DPP6: variants seen among roughly 807,000 people sequenced by gnomAD.
The protein encoded by DPP6 is dipeptidyl peptidase like 6.
In DPP6, 69 loss-of-function variants were observed where a neutral mutation model predicts 122.6. The ratio of observed to expected loss-of-function variants is 0.56; its 90% CI spans 0.46 to 0.69. The LOEUF (loss-of-function observed/expected upper bound fraction) is 0.69, where lower values mean the gene tolerates loss of function less well. Among genes scored for constraint, DPP6 ranks in the 30% least tolerant of loss-of-function variants. The pLI, the probability that DPP6 is intolerant of heterozygous loss-of-function variation, is 0.00. For missense variants in DPP6, 928 were observed against 1,116.9 expected (o/e 0.83, Z 2.41); for synonymous variants, 418 against 433.1 (o/e 0.97, Z 0.43).
In DPP6 at chr7:154,701,468, G is replaced by A. The variant is rs74969273; in HGVS notation, c.763-26299G>A. Among the ~76,000 whole-genome samples, 903 of 152,294 alleles carry A rather than the reference G, an allele frequency of 5.9e-3. 5 individuals carry two copies. Among genetic ancestry groups the A allele is most frequent in the African/African-American group, 0.02 (818 of 41,558 alleles). ...GAAAGCTGAACATCCTTATCCATAG[G>A]CATTTTAATTTGGAGAGTTGGAGAG... is the stretch of plus-strand genomic sequence containing the variant. On this transcript the variant is annotated intron_variant, in intron 7 of 25. Transcript: ENST00000377770.
chr7:154,488,099 C>T (rs1224268912), intron 3 of DPP6, among the ~76,000 whole-genome samples: 1 of 151,976 alleles, frequency 6.6e-6, no homozygotes, highest in Non-Finnish European at 1.5e-5. Context: ...AATTGAGTCT[C>T]CAGAGAAGAG....
chr7:154,024,072 A>G (rs1472237503), intron 1 of DPP6, among the ~76,000 whole-genome samples: 2 of 152,188 alleles, frequency 1.3e-5, no homozygotes, highest in Non-Finnish European at 2.9e-5. Flanking sequence ...AGAGGAATTT[A>G]TCCTACAGGC....
intron 1 of DPP6, among the ~76,000 whole-genome samples, chr7:154,351,236 C>T (rs993276317): frequency 3.9e-5 from 6 of 152,024 alleles, no homozygotes; most frequent in African/African-American, 1.4e-4. Flanking sequence ...GGACGGTTTC[C>T]CTGGTGAGCA....
intron 3 of DPP6, among the ~76,000 whole-genome samples, chr7:154,520,221 A>G (rs1443621859): frequency 6.6e-6 from 1 of 152,200 alleles, no homozygotes; most frequent in Non-Finnish European, 1.5e-5. Context: ...AAATTTATTT[A>G]TTTTCCACAT....
At chr7:154,196,622 G>A (rs1014432410) in intron 1 of DPP6, among the ~76,000 whole-genome samples, 2 of 152,176 alleles carry the variant, frequency 1.3e-5, no homozygotes, top group South Asian at 2.1e-4. Flanking sequence ...CAGCCATGGG[G>A]AGCATTGCAC....
At chr7:154,551,689 C>T (rs1218003657) in intron 4 of DPP6, among the ~76,000 whole-genome samples, 1 of 152,048 alleles carries the variant, frequency 6.6e-6, no homozygotes, top group Non-Finnish European at 1.5e-5. Flanking sequence ...TTCATTTGCT[C>T]CTTTTGTTCC....
chr7:154,811,392 A>G (rs1799051368), intron 16 of DPP6, among the ~76,000 whole-genome samples: 1 of 152,210 alleles, frequency 6.6e-6, no homozygotes, highest in African/African-American at 2.4e-5. Flanking sequence ...AGGGATGAGA[A>G]GATCAATTGC....
rs1554447630 is a variant in DPP6 at position 154,060,717 on chromosome 7, G to GA, written c.243+7654_243+7655insA. Among the ~76,000 whole-genome samples, 16 of 87,268 alleles carry GA rather than the reference G, an allele frequency of 1.8e-4. 1 individual carries two copies. Among genetic ancestry groups the GA allele is most frequent in the Non-Finnish European group, 2.4e-4 (10 of 42,512 alleles). 57.3% of individuals were successfully genotyped at this position (87,268 alleles called of 152,430 possible). ...CTGGCTGTTAGTACCCCCATCGCAG[G>GA]GGGGGAGGCACCCCCCGCGAGGCAG... On this transcript the variant is annotated intron_variant, in intron 1 of 25. Transcript: ENST00000377770.
intron 1 of DPP6, among the ~76,000 whole-genome samples, chr7:154,402,275 G>A (rs1284094762): frequency 1.3e-5 from 2 of 152,032 alleles, no homozygotes; most frequent in African/African-American, 4.8e-5. Flanking sequence ...TATAAATCAT[G>A]CTGCTATAAA....
At chr7:153,860,176 A>G in the DPP6 span, among the ~76,000 whole-genome samples, 1 of 152,182 alleles carries the variant, frequency 6.6e-6, no homozygotes, top group Non-Finnish European at 1.5e-5. Flanking sequence ...TTCGAGATTT[A>G]AAAGTACACC....
chr7:154,734,553 TG>T (rs1341059478), intron 8 of DPP6, among the ~76,000 whole-genome samples: 1 of 152,262 alleles, frequency 6.6e-6, no homozygotes, highest in African/African-American at 2.4e-5. Context: ...TGTTCAAATA[TG>T]TACATTACTA....
intron 1 of DPP6, chr7:154,096,150 G>C (rs993704715): frequency 1.5e-4 from 13 of 85,124 alleles, no homozygotes; most frequent in Non-Finnish European, 2.8e-4. Flanking sequence ...TACCCTTAAT[G>C]ATTTACATGA....
intron 3 of DPP6, among the ~76,000 whole-genome samples, chr7:154,533,831 C>G (rs1248669686): frequency 6.6e-6 from 1 of 151,904 alleles, no homozygotes; most frequent in African/African-American, 2.4e-5. Flanking sequence ...GACTTAATCT[C>G]TACAGAAATT....
chr7:154,157,960 C>CAT (rs200706163), intron 1 of DPP6, among the ~76,000 whole-genome samples: 32 of 147,778 alleles, frequency 2.2e-4, no homozygotes, highest in South Asian at 4.2e-4. Context: ...TATATATGTA[C>CAT]ATATATATAT....
At position 154,241,782 on chromosome 7, in the gene DPP6, C is replaced by T. The variant is rs79995848; in HGVS notation, c.243+188719C>T. On this transcript the variant is annotated intron_variant, in intron 1 of 25. Coordinates refer to ENST00000377770, the MANE Select transcript of DPP6 (RefSeq NM_130797.4). The surrounding 1 kb of genome is among the most constrained non-coding windows in gnomAD (Gnocchi z 9.0). ...AAGTTTAAAAAGATTGTCTGCCGAC[C>T]GAAAAAGTTTATGTCAAAACTACAG... 0.041 allele frequency among the ~76,000 whole-genome samples: 6,198 copies of T among 152,166 alleles called. 186 individuals are homozygous for T. Among genetic ancestry groups the T allele is most frequent in the Middle Eastern group, 0.071 (21 of 294 alleles).
chr7:153,822,842 A>G, the DPP6 span, among the ~76,000 whole-genome samples: 3 of 152,232 alleles, frequency 2.0e-5, no homozygotes, highest in Non-Finnish European at 1.5e-5. Flanking sequence ...TATGGATTGC[A>G]TACTTTCTTC....
intron 1 of DPP6, among the ~76,000 whole-genome samples, chr7:154,320,001 AAT>A (rs71182894): frequency 0.14 from 18,870 of 138,914 alleles, 1,343 homozygotes; most frequent in Non-Finnish European, 0.16. Flanking sequence ...AAATATTTCA[AAT>A]ATATATATAT....
chr7:154,401,545 C>T (rs1295565515), intron 1 of DPP6, among the ~76,000 whole-genome samples: 1 of 152,148 alleles, frequency 6.6e-6, no homozygotes, highest in Non-Finnish European at 1.5e-5. Flanking sequence ...AGCCAATAGT[C>T]GTCTTTAAAA....
In DPP6 at chr7:154,059,821, C is replaced by T. The variant is rs547605637; in HGVS notation, c.243+6758C>T. On this transcript the variant is annotated intron_variant, in intron 1 of 25. Transcript: ENST00000377770. ...GGCCCTGGCTGAGGCCCGTAGCCTA[C>T]GTCTCTAAACAACTAGACAGGGTTG... Among the ~76,000 whole-genome samples, 333 of 151,528 alleles carry T rather than the reference C, an allele frequency of 2.2e-3. 2 individuals carry two copies. The highest frequency in any genetic ancestry group is 6.1e-3 in the African/African-American group (249 of 41,008).
Sources: gnomAD v4.1 joint callset for allele counts (sites outside exome capture counted in the v4.1 genomes callset) on GRCh38, gnomAD v4.1.1 for gene constraint, Gnocchi (gnomAD v3.1) non-coding constraint, MANE v1.5 for transcripts, NCBI Gene and HGNC (gene_info 2026-07-23, HGNC 2026-07-21) for gene names.